CFAP299: variants seen among roughly 807,000 people sequenced by gnomAD.
The protein encoded by CFAP299 is cilia and flagella associated protein 299.
Under a neutral mutation model 27.0 loss-of-function variants are expected in CFAP299, and 21 were observed. That is an observed-to-expected ratio of 0.78 (90% CI 0.55 to 1.12). The LOEUF is 1.12. CFAP299 is among the 50% of genes most tolerant of loss of function. CFAP299 has a pLI of 0.00. For missense variants in CFAP299, 310 were observed against 276.6 expected (o/e 1.12, Z -0.86); for synonymous variants, 104 against 98.1 (o/e 1.06, Z -0.36).
rs560371797 is a variant in CFAP299 at position 80,474,538 on chromosome 4, T to TC, written c.243-108551dup. Among the ~76,000 whole-genome samples, 20 of 152,298 alleles carry TC rather than the reference T, an allele frequency of 1.3e-4. No individual in the cohort carries two copies. The South Asian group carries it at 4.1e-3, about 32-fold the overall frequency. Reference sequence around the variant, plus strand: ...GGACTTTAAGATGATTTTCCACATCTCCCCATTCAGATACTTTGATAAACA... The same window carrying TC: ...GGACTTTAAGATGATTTTCCACATCTCCCCCATTCAGATACTTTGATAAACA... On this transcript the variant is annotated intron_variant, in intron 2 of 5. Coordinates refer to ENST00000358105, the MANE Select transcript of CFAP299 (RefSeq NM_152770.3).
chr4:80,909,996 A>G (rs895486112), intron 4 of CFAP299, among the ~76,000 whole-genome samples: 1 of 152,164 alleles, frequency 6.6e-6, no homozygotes, highest in East Asian at 1.9e-4. Flanking sequence ...AAATCCGCAC[A>G]TTGAAATTTA....
At chr4:80,523,431 T>G (rs12645533) in intron 2 of CFAP299, among the ~76,000 whole-genome samples, 16,463 of 152,140 alleles carry the variant, frequency 0.11, 1,018 homozygotes, top group Middle Eastern at 0.21. Context: ...TGATTTAATT[T>G]CCCAGTTGTG....
intron 2 of CFAP299, among the ~76,000 whole-genome samples, chr4:80,366,042 G>T (rs1051000645): frequency 6.6e-5 from 10 of 152,190 alleles, no homozygotes; most frequent in African/African-American, 2.4e-4. Flanking sequence ...GGTACCATAT[G>T]TTGCCTTTTG....
At chr4:80,566,983 C>T (rs748055728) in intron 2 of CFAP299, among the ~76,000 whole-genome samples, 14 of 150,746 alleles carry the variant, frequency 9.3e-5, no homozygotes, top group East Asian at 3.9e-4. Flanking sequence ...CAATTTCTTA[C>T]GGAGAAGCCA....
intron 5 of CFAP299, among the ~76,000 whole-genome samples, chr4:80,947,908 C>T (rs1458506038): frequency 1.3e-5 from 2 of 152,108 alleles, no homozygotes; most frequent in African/African-American, 4.8e-5. Flanking sequence ...TAAATATCTG[C>T]AGTTACTTTA....
chr4:80,672,705 T>C (rs1313902251), intron 3 of CFAP299, among the ~76,000 whole-genome samples: 1 of 152,224 alleles, frequency 6.6e-6, no homozygotes, highest in Non-Finnish European at 1.5e-5. Flanking sequence ...TATTCAGAGA[T>C]TCAACTTCTT....
chr4:80,323,965 T>C, the CFAP299 span, among the ~76,000 whole-genome samples: 26 of 152,174 alleles, frequency 1.7e-4, no homozygotes, highest in Admixed American at 1.5e-3. Flanking sequence ...TGTAAGAAAC[T>C]ATACTCCTTT....
chr4:80,711,445 G>A (rs1324122302), intron 3 of CFAP299, among the ~76,000 whole-genome samples: 1 of 152,220 alleles, frequency 6.6e-6, no homozygotes, highest in Non-Finnish European at 1.5e-5. Context: ...GCCCCACTGA[G>A]TGTTCATTCA....
At chr4:80,447,595 C>T (rs1024903859) in intron 2 of CFAP299, among the ~76,000 whole-genome samples, 11 of 152,028 alleles carry the variant, frequency 7.2e-5, no homozygotes, top group Non-Finnish European at 1.3e-4. Flanking sequence ...GCTGGGACTA[C>T]AGGTATGCGC....
chr4:80,419,278 G>C (rs1727169998), intron 2 of CFAP299, among the ~76,000 whole-genome samples: 1 of 152,174 alleles, frequency 6.6e-6, no homozygotes, highest in Non-Finnish European at 1.5e-5. Flanking sequence ...TACTTCTGGG[G>C]TCTTGCGTTC....
At chr4:80,393,769 G>A (rs533530184) in intron 2 of CFAP299, among the ~76,000 whole-genome samples, 1 of 152,250 alleles carries the variant, frequency 6.6e-6, no homozygotes, top group East Asian at 1.9e-4. Flanking sequence ...TTCTCAGAAT[G>A]TATTCCTGTT....
At chr4:80,332,560 T>C (rs889395020), upstream of CFAP299, among the ~76,000 whole-genome samples, 2 of 152,184 alleles carry the variant, frequency 1.3e-5, no homozygotes, top group African/African-American at 4.8e-5. Context: ...GTGAATAAGC[T>C]TGTATACAGC....
rs558259447 is a variant in CFAP299, at chr4:80,749,659, G to A, written c.334-120334G>A. Among the ~76,000 whole-genome samples the A allele has an allele frequency of 1.4e-4, 21 of 152,302 alleles. No homozygotes were observed. The South Asian group carries it at 4.3e-3, about 32-fold the overall frequency. On this transcript the variant is annotated intron_variant, in intron 3 of 5. Coordinates refer to ENST00000358105, the MANE Select transcript of CFAP299 (RefSeq NM_152770.3). ...ATGTAAGTCCAAGAGTCCAAAAGCCGAAGAACTTAGAGTCTGACGTTTGAG... is the reference window on the plus strand; with the variant it reads ...ATGTAAGTCCAAGAGTCCAAAAGCCAAAGAACTTAGAGTCTGACGTTTGAG...
In CFAP299 at chr4:80,549,172, AAC is replaced by A. The variant is rs145823973; in HGVS notation, c.243-33905_243-33904del. On this transcript the variant is annotated intron_variant, in intron 2 of 5. Transcript: ENST00000358105. Reference sequence around the variant, plus strand: ...ATTAAAATGGTTTAATCAAGAAAGTAACACACACACACACACAATTTTTAAAC... The same window carrying A: ...ATTAAAATGGTTTAATCAAGAAAGTAACACACACACACACAATTTTTAAAC... Among the ~76,000 whole-genome samples, 1,373 of 151,162 alleles carry A rather than the reference AAC, an allele frequency of 9.1e-3. 15 individuals carry two copies. The highest frequency in any genetic ancestry group is 0.029 in the African/African-American group (1,212 of 41,284).
At chr4:80,494,379 A>G (rs1217400778) in intron 2 of CFAP299, among the ~76,000 whole-genome samples, 1 of 152,230 alleles carries the variant, frequency 6.6e-6, no homozygotes. Context: ...ATTATTTCAC[A>G]TAATAGGCAG....
At chr4:80,562,352 C>T (rs1411986956) in intron 2 of CFAP299, among the ~76,000 whole-genome samples, 1 of 152,052 alleles carries the variant, frequency 6.6e-6, no homozygotes, top group Admixed American at 6.6e-5. Context: ...AATCCCAGCA[C>T]TTTGGGAGGC....
chr4:80,770,058 C>T (rs920816564), intron 3 of CFAP299, among the ~76,000 whole-genome samples: 6 of 152,034 alleles, frequency 3.9e-5, no homozygotes, highest in Non-Finnish European at 8.8e-5. Context: ...AGCTTGTTTC[C>T]TGTCAGAAGA....
At chr4:80,625,161 TA>T (rs1179082381) in intron 3 of CFAP299, among the ~76,000 whole-genome samples, 4 of 152,038 alleles carry the variant, frequency 2.6e-5, no homozygotes, top group Non-Finnish European at 5.9e-5. Flanking sequence ...ACAAAACTAT[TA>T]AAAATAACCA....
intron 5 of CFAP299, among the ~76,000 whole-genome samples, chr4:80,953,252 T>C (rs967901515): frequency 6.6e-6 from 1 of 152,198 alleles, no homozygotes; most frequent in African/African-American, 2.4e-5. Context: ...TGTATTTTCC[T>C]TGGAGGCCTC....
Sources: allele counts gnomAD v4.1 joint callset (sites outside exome capture counted in the v4.1 genomes callset), GRCh38; gene constraint gnomAD v4.1.1; transcripts MANE v1.5; gene names NCBI Gene and HGNC (gene_info 2026-07-23, HGNC 2026-07-21).